The following POLE4 variants were observed in gnomAD, a reference collection of about 807,000 sequenced individuals.
POLE4 encodes the protein DNA polymerase epsilon 4, accessory subunit.
Under a neutral mutation model 15.6 loss-of-function variants are expected in POLE4, and 15 were observed. The observed-to-expected ratio is 0.96, with a 90% CI of 0.64 to 1.48. The LOEUF is 1.48. Ranked by LOEUF, POLE4 falls within the 40% of genes most tolerant of loss-of-function variation. POLE4 has a pLI of 0.00. For synonymous variants in POLE4, 83 were observed against 63.2 expected (o/e 1.31, Z -1.49); for missense variants, 205 against 151.9 (o/e 1.35, Z -1.84).
chr2:74,962,594 ATTCTTT>A (rs1353608021), intron 3 of POLE4, among the ~76,000 whole-genome samples: 2 of 152,292 alleles, frequency 1.3e-5, no homozygotes, highest in Admixed American at 6.5e-5. Flanking sequence ...GTATATGTAT[ATTCTTT>A]TTCTAAGTCA....
intron 1 of POLE4, 52 bp downstream of exon 1, chr2:74,958,944 C>A: frequency 8.6e-7 from 1 of 1,166,938 alleles, no homozygotes; most frequent in Non-Finnish European, 1.2e-6. Flanking sequence ...GAGTGTGGGG[C>A]GGGGCCTCGG....
chr2:74,963,907 T>C (rs2103678911), intron 3 of POLE4, among the ~76,000 whole-genome samples: 1 of 152,366 alleles, frequency 6.6e-6, no homozygotes, highest in South Asian at 2.1e-4. Context: ...GGTAATCAAA[T>C]GTATCAATTT....
intron 3 of POLE4, 55 bp from the exon 4 acceptor site, chr2:74,969,353 AC>A: frequency 6.4e-7 from 1 of 1,553,732 alleles, no homozygotes; most frequent in Non-Finnish European, 8.9e-7. Flanking sequence ...CCAGCTTGTT[AC>A]ACTAATCCAG....
intron 3 of POLE4, among the ~76,000 whole-genome samples, chr2:74,962,059 T>C (rs1253961416): frequency 6.6e-6 from 1 of 152,202 alleles, no homozygotes; most frequent in African/African-American, 2.4e-5. Context: ...CTAACTAATA[T>C]GCTTACCCAT....
intron 3 of POLE4, among the ~76,000 whole-genome samples, chr2:74,968,344 A>G (rs1671322706): frequency 6.6e-6 from 1 of 151,886 alleles, no homozygotes; most frequent in African/African-American, 2.4e-5. Flanking sequence ...GTATCCTTTC[A>G]ACTGTGTAGC....
chr2:74,962,155 C>T (rs548394344), intron 3 of POLE4, among the ~76,000 whole-genome samples: 1 of 152,172 alleles, frequency 6.6e-6, no homozygotes, highest in African/African-American at 2.4e-5. Context: ...CATAAATCCC[C>T]TGCTGTCTTT....
At chr2:74,965,033 T>C (rs1243337260) in intron 3 of POLE4, among the ~76,000 whole-genome samples, 4 of 152,114 alleles carry the variant, frequency 2.6e-5, no homozygotes, top group Non-Finnish European at 4.4e-5. Context: ...TAGTCTTTTT[T>C]TTTCATACTG....
intron 3 of POLE4, among the ~76,000 whole-genome samples, 170 bp from the exon 4 acceptor site, chr2:74,969,239 A>C (rs1385925989): frequency 6.6e-6 from 1 of 152,160 alleles, no homozygotes; most frequent in Non-Finnish European, 1.5e-5. Flanking sequence ...ATCTGTAATG[A>C]CATGTTTTCC....
intron 3 of POLE4, among the ~76,000 whole-genome samples, chr2:74,967,494 C>T (rs1189114848): frequency 1.3e-5 from 2 of 151,646 alleles, no homozygotes; most frequent in African/African-American, 2.4e-5. Flanking sequence ...TCTTTTAGTT[C>T]TGTAAACATA....
chr2:74,965,090 ATTT>A (rs35849174), intron 3 of POLE4, among the ~76,000 whole-genome samples: 31 of 124,876 alleles, frequency 2.5e-4, no homozygotes, highest in Non-Finnish European at 2.4e-4. Flanking sequence ...CTTTTTATCT[ATTT>A]TTTTTTTTTT....
chr2:74,963,646 C>A (rs1671257171), intron 3 of POLE4, among the ~76,000 whole-genome samples: 1 of 151,974 alleles, frequency 6.6e-6, no homozygotes, highest in African/African-American at 2.4e-5. Flanking sequence ...TACCACCACG[C>A]CTGGCTAATT....
intron 3 of POLE4, chr2:74,961,556 TG>T (rs1414089560): frequency 6.6e-6 from 1 of 152,208 alleles, no homozygotes; most frequent in Non-Finnish European, 1.5e-5. Flanking sequence ...ATGAGTGATA[TG>T]ATCAGATTTG....
At chr2:74,966,576 T>A (rs1008667651) in intron 3 of POLE4, among the ~76,000 whole-genome samples, 17 of 152,174 alleles carry the variant, frequency 1.1e-4, no homozygotes, top group Admixed American at 9.8e-4. Context: ...TAGTTTTTTT[T>A]GTATTTTTAG....
chr2:74,968,004 C>T (rs975759352), intron 3 of POLE4, among the ~76,000 whole-genome samples: 5 of 152,182 alleles, frequency 3.3e-5, no homozygotes, highest in Non-Finnish European at 7.4e-5. Flanking sequence ...GGATTTGACT[C>T]TTGGTTCCTT....
intron 3 of POLE4, among the ~76,000 whole-genome samples, chr2:74,962,218 A>G (rs1176093191): frequency 2.6e-5 from 4 of 152,156 alleles, no homozygotes; most frequent in Non-Finnish European, 4.4e-5. Context: ...TTTACAGTTT[A>G]TATAACATAC....
At chr2:74,967,563 C>G (rs774987177) in intron 3 of POLE4, among the ~76,000 whole-genome samples, 12 of 152,014 alleles carry the variant, frequency 7.9e-5, no homozygotes, top group Non-Finnish European at 1.3e-4. Context: ...ATATTCAAAG[C>G]CTTTTGAGTT....
At chr2:74,965,130 G>C (rs1671277739) in intron 3 of POLE4, among the ~76,000 whole-genome samples, 1 of 138,386 alleles carries the variant, frequency 7.2e-6, no homozygotes, top group Admixed American at 7.8e-5. Flanking sequence ...GTCTCACTCT[G>C]TTGCCCAGGG....
At chr2:74,968,149 T>A (rs1187651594) in intron 3 of POLE4, among the ~76,000 whole-genome samples, 2 of 152,234 alleles carry the variant, frequency 1.3e-5, no homozygotes, top group African/African-American at 4.8e-5. Flanking sequence ...TTTTTCTTGA[T>A]GTCTCTTCAA....
chr2:74,958,842 G>C lies in POLE4; in HGVS notation c.163G>C (p.Asp55His). Residue 55 changes from aspartate (D) to histidine (H), a missense_variant, in exon 1 of 4, where the codon GAC (aspartate) becomes CAC (histidine). Coordinates refer to ENST00000483063, the MANE Select transcript of POLE4 (RefSeq NM_019896.4). ...GAAGGCCTTGGTGAAGGCAGATCCCGACGTGACGCTAGCGGGACAGGAAGC... is the reference window on the plus strand; with the variant it reads ...GAAGGCCTTGGTGAAGGCAGATCCCCACGTGACGCTAGCGGGACAGGAAGC... The part of the protein sequence containing the change: ...RVKALVKADP[D>H]VTLAGQEAIF... 6.4e-7 allele frequency: 1 copy of C among 1,561,236 alleles called. No homozygotes were observed. The highest frequency in any genetic ancestry group is 1.9e-5 in the Admixed American group (1 of 52,160).
Sources: allele counts gnomAD v4.1 joint callset (sites outside exome capture counted in the v4.1 genomes callset), GRCh38; gene constraint gnomAD v4.1.1; transcripts MANE v1.5; gene names NCBI Gene and HGNC (gene_info 2026-07-23, HGNC 2026-07-21).